Variants in SUSD5 observed in about 807,000 individuals in gnomAD.
SUSD5 encodes the protein sushi domain-containing protein 5.
Under a neutral mutation model 29.5 loss-of-function variants are expected in SUSD5, and 33 were observed. The observed-to-expected ratio is 1.12, with a 90% CI of 0.85 to 1.49. SUSD5 has a LOEUF of 1.49. Ranked by LOEUF, SUSD5 falls within the 40% of genes most tolerant of loss-of-function variation. SUSD5 has a pLI of 0.00. For missense variants in SUSD5, 776 were observed against 800.6 expected (o/e 0.97, Z 0.37); for synonymous variants, 308 against 325.3 (o/e 0.95, Z 0.57).
rs528513672 is a variant in SUSD5 at position 33,165,980 on chromosome 3, C to T, written c.598+8906G>A. The stretch of plus-strand genomic sequence containing the variant: ...CAACATAGTGAGACCCACTGCACCG[C>T]AGCCTGGGTGACAGAGTGAGACCCC... On this transcript the variant is annotated intron_variant, in intron 4 of 4. Coordinates refer to ENST00000309558, the MANE Select transcript of SUSD5 (RefSeq NM_015551.2). 8.3e-5 allele frequency among the ~76,000 whole-genome samples: 12 copies of T among 143,888 alleles called. No homozygotes were observed. In the East Asian group the frequency reaches 2.0e-3, roughly 24 times the overall value. 94.4% of individuals were successfully genotyped at this position (143,888 alleles called of 152,430 possible). A position where few individuals can be genotyped will look rare whatever the true frequency, so the allele number is the denominator to read the frequency against.
At chr3:33,166,374 C>T (rs879258577) in intron 4 of SUSD5, among the ~76,000 whole-genome samples, 12 of 152,150 alleles carry the variant, frequency 7.9e-5, no homozygotes, top group Non-Finnish European at 1.5e-4. Flanking sequence ...ACCTTAGAAA[C>T]ACTTCATGCT....
chr3:33,173,088 G>A (rs941413397), intron 4 of SUSD5, among the ~76,000 whole-genome samples: 7 of 152,164 alleles, frequency 4.6e-5, no homozygotes, highest in Admixed American at 4.6e-4. Flanking sequence ...AGAAAAATGG[G>A]AAAAGTACCT....
chr3:33,154,311 C>A (rs2030999599), intron 4 of SUSD5, among the ~76,000 whole-genome samples: 1 of 152,090 alleles, frequency 6.6e-6, no homozygotes, highest in South Asian at 2.1e-4. Context: ...TCACTTGAAG[C>A]CAGGAGTTCG....
intron 4 of SUSD5, among the ~76,000 whole-genome samples, chr3:33,166,236 C>T (rs565261551): frequency 8.3e-4 from 126 of 152,172 alleles, no homozygotes; most frequent in Non-Finnish European, 1.6e-3. Context: ...CTAATTAATA[C>T]CCTGAATATC....
Position 33,210,283 on chromosome 3 carries a change from C to T in SUSD5, c.291-2357G>A, listed in dbSNP as rs532094745. Among the ~76,000 whole-genome samples, 707 of 152,250 alleles carry T rather than the reference C, an allele frequency of 4.6e-3. 1 individual carries two copies. The highest frequency in any genetic ancestry group is 7.5e-3 in the Non-Finnish European group (507 of 68,000). On this transcript the variant is annotated intron_variant, in intron 2 of 4. Coordinates refer to ENST00000309558, the MANE Select transcript of SUSD5 (RefSeq NM_015551.2). ...GTGCTGCTTCTCCTAGGAGGGCCTG[C>T]GAACAGTTCACTGTACAGTGTACTG... is the stretch of plus-strand genomic sequence containing the variant.
chr3:33,177,337 C>T (rs1390051424), intron 3 of SUSD5, among the ~76,000 whole-genome samples: 1 of 152,174 alleles, frequency 6.6e-6, no homozygotes, highest in Non-Finnish European at 1.5e-5. Context: ...CTTCACAATC[C>T]ATGAACATAG....
Position 33,152,953 on chromosome 3 carries a change from T to C in SUSD5, c.1679A>G (p.Glu560Gly). 1 of 1,613,918 alleles carries C rather than the reference T, an allele frequency of 6.2e-7. No homozygotes were observed. ...GASEELHPTL[E>G]SCVGDGCPGL... ...AGGACATCCGTCCCCCACACACGAC[T>C]CCAAGGTGGGATGAAGCTCCTCACT... is the stretch of plus-strand genomic sequence containing the variant. The change falls in exon 5 of 5, where the codon GAG (glutamate) becomes GGG (glycine). Residue 560 changes from glutamate to glycine, a missense_variant. Coordinates refer to ENST00000309558, the MANE Select transcript of SUSD5 (RefSeq NM_015551.2).
chr3:33,195,077 C>T (rs2031968993), intron 3 of SUSD5, among the ~76,000 whole-genome samples: 3 of 152,110 alleles, frequency 2.0e-5, no homozygotes, highest in Admixed American at 1.3e-4. Context: ...CACCTGTAGT[C>T]CCAGCTACTC....
At chr3:33,191,135 GT>G (rs202230084) in intron 3 of SUSD5, among the ~76,000 whole-genome samples, 54 of 143,500 alleles carry the variant, frequency 3.8e-4, no homozygotes, top group East Asian at 8.1e-4. Context: ...AGTATACTTT[GT>G]TTTTTTTTTT....
intron 4 of SUSD5, among the ~76,000 whole-genome samples, chr3:33,172,905 C>G (rs2125620006): frequency 6.6e-6 from 1 of 152,142 alleles, no homozygotes; most frequent in African/African-American, 2.4e-5. Context: ...TGTAAGAGTT[C>G]ACAAAGAATT....
chr3:33,210,680 G>A (rs977112841), intron 2 of SUSD5, among the ~76,000 whole-genome samples: 2 of 152,132 alleles, frequency 1.3e-5, no homozygotes, highest in African/African-American at 4.8e-5. Context: ...GGAGACCTGG[G>A]CAGGAAAGGC....
At chr3:33,180,789 G>A (rs1006854185) in intron 3 of SUSD5, among the ~76,000 whole-genome samples, 3 of 151,800 alleles carry the variant, frequency 2.0e-5, no homozygotes, top group African/African-American at 7.3e-5. Context: ...GCAATGAGTC[G>A]AGGTTGTGCC....
chr3:33,198,867 GGAA>G (rs2032046222), intron 3 of SUSD5, among the ~76,000 whole-genome samples: 1 of 152,090 alleles, frequency 6.6e-6, no homozygotes, highest in East Asian at 1.9e-4. Flanking sequence ...AAGAGAGTTA[GGAA>G]GAATCACCCA....
chr3:33,213,900 T>G (rs375234063), intron 2 of SUSD5, 28 bp downstream of exon 2: 2 of 1,561,528 alleles, frequency 1.3e-6, no homozygotes, highest in Middle Eastern at 2.2e-4. Context: ...CTGGGGTGAG[T>G]TGGAAAAGGA....
chr3:33,198,989 C>T (rs1009257420), intron 3 of SUSD5, among the ~76,000 whole-genome samples: 3 of 152,038 alleles, frequency 2.0e-5, no homozygotes, highest in Non-Finnish European at 4.4e-5. Context: ...CAGACCCTGG[C>T]CTCAAGAATA....
chr3:33,169,913 TTTTC>T (rs1028432607), intron 4 of SUSD5, among the ~76,000 whole-genome samples: 35 of 146,182 alleles, frequency 2.4e-4, no homozygotes, highest in African/African-American at 6.5e-4. Context: ...GCATCTTTTC[TTTTC>T]TTTCTTTCTT....
At position 33,152,543 on chromosome 3, in the gene SUSD5, T is replaced by A; in HGVS notation, c.*199A>T. On this transcript the variant is annotated 3_prime_UTR_variant, in exon 5 of 5. Transcript: ENST00000309558. ...TCCAGGGCAGATGGTGGAGGAGACA[T>A]TGACATGAGTGATGATGTCACCAAA... 2 of 586,620 alleles carry A rather than the reference T, an allele frequency of 3.4e-6. No homozygotes were observed. Among genetic ancestry groups the A allele is most frequent in the Non-Finnish European group, 6.0e-6 (2 of 335,472 alleles). The allele number at this position is 586,620 out of a possible 1,614,324, so 36.3% of individuals were successfully genotyped here.
chr3:33,194,407 C>T (rs1004612573), intron 3 of SUSD5, among the ~76,000 whole-genome samples: 8 of 152,106 alleles, frequency 5.3e-5, no homozygotes, highest in Non-Finnish European at 2.9e-5. Context: ...GAGGAACCCA[C>T]TGGCTGGTTG....
intron 2 of SUSD5, among the ~76,000 whole-genome samples, chr3:33,209,063 G>T: frequency 6.6e-6 from 1 of 152,020 alleles, no homozygotes. Flanking sequence ...CTTTATTATT[G>T]GGAGATATTT....
Sources: allele counts gnomAD v4.1 joint callset (sites outside exome capture counted in the v4.1 genomes callset), GRCh38; gene constraint gnomAD v4.1.1; transcripts MANE v1.5; gene names NCBI Gene and HGNC (gene_info 2026-07-23, HGNC 2026-07-21).